ADCY5: variants seen among roughly 807,000 people sequenced by gnomAD.
ADCY5 encodes adenylate cyclase type 5.
A neutral mutation model predicts 119.7 loss-of-function variants in ADCY5; 30 were observed. That is an observed-to-expected ratio of 0.25 (90% CI 0.19 to 0.34). The LOEUF (loss-of-function observed/expected upper bound fraction) is 0.34, where lower values mean the gene tolerates loss of function less well. Among genes scored for constraint, ADCY5 ranks in the 10% least tolerant of loss-of-function variants. ADCY5 has a pLI of 1.00. For synonymous variants in ADCY5, 753 were observed against 762.2 expected, an observed-to-expected ratio of 0.99 and a Z score of 0.20; for missense variants, 1,324 against 1,775.2, an observed-to-expected ratio of 0.75 and a Z score of 4.57.
At chr3:123,429,188 T>C (rs530291151) in intron 1 of ADCY5, among the ~76,000 whole-genome samples, 2 of 152,346 alleles carry the variant, frequency 1.3e-5, no homozygotes, top group African/African-American at 4.8e-5. Flanking sequence ...TAGATTTCCA[T>C]CAGACCGAAC....
chr3:123,396,285 GAA>G (rs1944561337), intron 1 of ADCY5, among the ~76,000 whole-genome samples: 1 of 143,924 alleles, frequency 6.9e-6, no homozygotes, highest in African/African-American at 2.6e-5. Flanking sequence ...GAGAGAGAGG[GAA>G]AGAGGGAAAA....
Position 123,296,090 on chromosome 3 carries a change from T to C in ADCY5, c.3057A>G (p.Lys1019=), listed in dbSNP as rs900987825. 11 of 1,613,904 alleles carry C rather than the reference T, an allele frequency of 6.8e-6. No individual in the cohort carries two copies. The highest frequency in any genetic ancestry group is 9.3e-6 in the Non-Finnish European group (11 of 1,179,902). Reference sequence around the variant, plus strand: ...CAGCCCCAGGGCCACCCACCTGCAGTTTCCAGAGGAAGTCGAGGCGGGCAG... The same window carrying C: ...CAGCCCCAGGGCCACCCACCTGCAGCTTCCAGAGGAAGTCGAGGCGGGCAG... ...ESTARLDFLW[K]LQATEEKEEM... The change falls in exon 17 of 21, where the codon AAA becomes AAG. Residue 1019 remains lysine (K), a synonymous_variant. Transcript: ENST00000462833.
intron 3 of ADCY5, among the ~76,000 whole-genome samples, chr3:123,339,896 T>C (rs2108446086): frequency 6.6e-6 from 1 of 152,346 alleles, no homozygotes; most frequent in Non-Finnish European, 1.5e-5. Flanking sequence ...TAGCAATAGT[T>C]AGTGACCTCA....
chr3:123,414,463 T>G (rs147839580), intron 1 of ADCY5, among the ~76,000 whole-genome samples: 79 of 152,318 alleles, frequency 5.2e-4, no homozygotes, highest in Non-Finnish European at 7.8e-4. Flanking sequence ...ATTTCCTGTG[T>G]CCAGGACTAA....
intron 9 of ADCY5, 146 bp downstream of exon 9, chr3:123,320,603 A>G: frequency 8.9e-7 from 1 of 1,129,050 alleles, no homozygotes; most frequent in South Asian, 1.4e-5. Flanking sequence ...TGACCACCTG[A>G]CGGCTAGGGT....
In ADCY5 at chr3:123,319,657, C is replaced by CAA; in HGVS notation, c.2256+16_2256+17insTT. The CAA allele has an allele frequency of 6.2e-7, 1 of 1,612,736 alleles. No individual in the cohort carries two copies. The highest frequency in any genetic ancestry group is 1.7e-5 in the Admixed American group (1 of 59,998). On this transcript the variant is annotated intron_variant, in intron 10 of 20. Coordinates refer to ENST00000462833, the MANE Select transcript of ADCY5 (RefSeq NM_183357.3). Reference sequence around the variant, plus strand: ...TGGTTCAGCACAGGGGCCTCCTTCCCACCCAGGGTGCTGTACCTTCTTCTC... The same window carrying CAA: ...TGGTTCAGCACAGGGGCCTCCTTCCCAAACCCAGGGTGCTGTACCTTCTTCTC...
intron 1 of ADCY5, among the ~76,000 whole-genome samples, chr3:123,417,145 A>C (rs1945201830): frequency 6.6e-6 from 1 of 151,974 alleles, no homozygotes; most frequent in South Asian, 2.1e-4. Flanking sequence ...CCAAAGGTGC[A>C]TTGCAGTTCC....
At chr3:123,395,876 C>A in intron 1 of ADCY5, among the ~76,000 whole-genome samples, 1 of 143,818 alleles carries the variant, frequency 7.0e-6, no homozygotes. Flanking sequence ...GAGTGAAGAT[C>A]CTGTCTCAAA....
intron 1 of ADCY5, among the ~76,000 whole-genome samples, chr3:123,441,983 A>G (rs1158441065): frequency 6.6e-6 from 1 of 150,926 alleles, no homozygotes; most frequent in Non-Finnish European, 1.5e-5. Flanking sequence ...AAGGAAGGAA[A>G]AAAAAAAAAA....
intron 3 of ADCY5, among the ~76,000 whole-genome samples, chr3:123,346,646 T>G (rs994219331): frequency 6.6e-6 from 1 of 151,382 alleles, no homozygotes; most frequent in Non-Finnish European, 1.5e-5. Flanking sequence ...TCTCTCTGTG[T>G]GTATGTGTGT....
At chr3:123,297,915 T>C (rs1017611737) in intron 15 of ADCY5, among the ~76,000 whole-genome samples, 3 of 152,270 alleles carry the variant, frequency 2.0e-5, no homozygotes, top group Non-Finnish European at 4.4e-5. Flanking sequence ...TTTGGCTATA[T>C]AGTACTTGTT....
intron 1 of ADCY5, among the ~76,000 whole-genome samples, chr3:123,423,650 A>G (rs1185408602): frequency 6.6e-6 from 1 of 152,146 alleles, no homozygotes; most frequent in East Asian, 1.9e-4. Flanking sequence ...CTATTCTAAG[A>G]AGGCCCGTCA....
chr3:123,315,895 T>C (rs1167446559), intron 11 of ADCY5, among the ~76,000 whole-genome samples: 1 of 152,182 alleles, frequency 6.6e-6, no homozygotes, highest in Non-Finnish European at 1.5e-5. Context: ...TCCAGGTTGC[T>C]TCTTGATACT....
chr3:123,365,526 G>A (rs888881405), intron 1 of ADCY5, among the ~76,000 whole-genome samples: 4 of 152,228 alleles, frequency 2.6e-5, no homozygotes, highest in Non-Finnish European at 5.9e-5. Context: ...TCTGCAAGGA[G>A]TATTTGAGCC....
intron 1 of ADCY5, among the ~76,000 whole-genome samples, chr3:123,406,213 T>C (rs1944895570): frequency 6.6e-6 from 1 of 152,182 alleles, no homozygotes; most frequent in African/African-American, 2.4e-5. Context: ...CCTGCTGTAG[T>C]TATTCAAACT....
chr3:123,347,435 GT>G (rs1423996027), intron 3 of ADCY5, among the ~76,000 whole-genome samples: 26 of 152,124 alleles, frequency 1.7e-4, no homozygotes, highest in Admixed American at 4.6e-4. Flanking sequence ...GATGATGGTG[GT>G]GACATTCGGG....
rs775111352 is a variant in ADCY5 at position 123,448,398 on chromosome 3, C to T, written c.148G>A (p.Ala50Thr). Reference protein sequence around the residue: ...NGYPHAPGGSARGSTKKPGGA... With the variant: ...NGYPHAPGGSTRGSTKKPGGA... The stretch of plus-strand genomic sequence containing the variant: ...CCGGGTTTCTTGGTGGAGCCGCGGG[C>T]AGAGCCCCCGGGGGCATGGGGGTAG... The change falls in exon 1 of 21, where the codon GCC (alanine) becomes ACC (threonine). Residue 50 changes from alanine (A) to threonine (T), a missense_variant. By Grantham distance (58) the Ala-to-Thr change is moderately conservative. Around this residue, in one of 6 missense-constraint regions of ADCY5, gnomAD observed 585 missense variants for 569.9 expected, o/e 1.03. Transcript: ENST00000462833. 9 of 1,445,368 alleles carry T rather than the reference C, an allele frequency of 6.2e-6. No homozygotes were observed. The highest frequency in any genetic ancestry group is 8.1e-6 in the Non-Finnish European group (9 of 1,105,638). The allele number at this position is 1,445,368 out of a possible 1,614,324, so 89.5% of individuals were successfully genotyped here. A position where few individuals can be genotyped will look rare whatever the true frequency, so the allele number is the denominator to read the frequency against.
intron 1 of ADCY5, among the ~76,000 whole-genome samples, chr3:123,396,004 AAG>A (rs1234912916): frequency 2.4e-4 from 9 of 37,204 alleles, no homozygotes; most frequent in African/African-American, 6.9e-4. Flanking sequence ...GAAAGAAAGA[AAG>A]AGAGAAAGAG....
intron 12 of ADCY5, among the ~76,000 whole-genome samples, chr3:123,308,055 A>G (rs562124593): frequency 9.1e-5 from 9 of 98,554 alleles, no homozygotes; most frequent in South Asian, 3.3e-4. Flanking sequence ...TTTTTTTGAG[A>G]CAGAGTCTCG....
Sources: gnomAD v4.1 joint callset for allele counts (sites outside exome capture counted in the v4.1 genomes callset) on GRCh38, gnomAD v4.1.1 for gene constraint, gnomAD v4.1.1 regional missense constraint, MANE v1.5 for transcripts, NCBI Gene and HGNC (gene_info 2026-07-23, HGNC 2026-07-21) for gene names.